Variants in STXBP5L observed in about 807,000 individuals in gnomAD.
STXBP5L encodes the protein syntaxin-binding protein 5-like.
Under a neutral mutation model 144.5 loss-of-function variants are expected in STXBP5L, and 65 were observed. That is an observed-to-expected ratio of 0.45 (90% CI 0.37 to 0.55). The LOEUF (loss-of-function observed/expected upper bound fraction) is 0.55, where lower values mean the gene tolerates loss of function less well. Among genes scored for constraint, STXBP5L ranks in the 20% least tolerant of loss-of-function variants. The probability of loss-of-function intolerance (pLI) is 0.00; values close to 1 mark genes in which losing one functional copy is unlikely to be tolerated. For missense variants in STXBP5L, 1,298 were observed against 1,405.5 expected, an observed-to-expected ratio of 0.92 and a Z score of 1.22; for synonymous variants, 505 against 469.6, an observed-to-expected ratio of 1.08 and a Z score of -0.97.
rs149609839 is a variant in STXBP5L at position 121,265,115 on chromosome 3, C to T, written c.1958+5947C>T. On this transcript the variant is annotated intron_variant, in intron 18 of 26. Coordinates refer to ENST00000471454, the MANE Select transcript of STXBP5L (RefSeq NM_001308330.2). ...TCTGGACTTGAACTCAGCTCTGGAACAAGTGGACCTAATAAACATCTACAG... is the reference window on the plus strand; with the variant it reads ...TCTGGACTTGAACTCAGCTCTGGAATAAGTGGACCTAATAAACATCTACAG... Among the ~76,000 whole-genome samples, 8 of 152,280 alleles carry T rather than the reference C, an allele frequency of 5.3e-5. No individual in the cohort carries two copies. The East Asian group carries it at 1.5e-3, about 29-fold the overall frequency.
At chr3:121,185,697 A>G (rs1032567841) in intron 9 of STXBP5L, among the ~76,000 whole-genome samples, 2 of 152,164 alleles carry the variant, frequency 1.3e-5, no homozygotes, top group Non-Finnish European at 2.9e-5. Flanking sequence ...TTTGGTTACT[A>G]TAGCCTTGTA....
At chr3:121,355,492 G>T (rs1035812683) in intron 20 of STXBP5L, among the ~76,000 whole-genome samples, 42 of 152,024 alleles carry the variant, frequency 2.8e-4, no homozygotes, top group African/African-American at 9.7e-4. Flanking sequence ...ATTGAATCTT[G>T]TGCATGCATC....
chr3:121,158,844 G>T (rs2108009488), intron 9 of STXBP5L: 1 of 151,926 alleles, frequency 6.6e-6, no homozygotes, highest in African/African-American at 2.4e-5. Context: ...AGTTCTTTTG[G>T]CTAGACTGGA....
intron 3 of STXBP5L, among the ~76,000 whole-genome samples, chr3:120,978,546 G>A (rs538312625): frequency 7.2e-5 from 11 of 152,280 alleles, no homozygotes; most frequent in Non-Finnish European, 1.2e-4. Context: ...CTCTCAACTC[G>A]TCAAAGTCAT....
chr3:120,992,520 T>A (rs1168100568), intron 3 of STXBP5L, among the ~76,000 whole-genome samples: 2 of 152,138 alleles, frequency 1.3e-5, no homozygotes, highest in East Asian at 1.9e-4. Flanking sequence ...CAATTTTTTT[T>A]ATCTACTACA....
In STXBP5L at chr3:120,973,106, T is replaced by C. The variant is rs183709764; in HGVS notation, c.287+18069T>C. On this transcript the variant is annotated intron_variant, in intron 3 of 26. Transcript: ENST00000471454. ...TTTCCTAGAATGAGTTATGTAGGAT[T>C]CCCTTCTCGATATTTTGGCATAACT... 9.9e-5 allele frequency among the ~76,000 whole-genome samples: 15 copies of C among 152,238 alleles called. No homozygotes were observed. The East Asian group carries it at 2.9e-3, about 29-fold the overall frequency.
chr3:120,984,544 G>A (rs1438195424), intron 3 of STXBP5L, among the ~76,000 whole-genome samples: 1 of 148,734 alleles, frequency 6.7e-6, no homozygotes, highest in Non-Finnish European at 1.5e-5. Context: ...AATCTTTAGG[G>A]TTTTACATAT....
intron 7 of STXBP5L, among the ~76,000 whole-genome samples, chr3:121,131,328 C>G (rs1168662007): frequency 1.3e-5 from 2 of 151,996 alleles, no homozygotes; most frequent in Non-Finnish European, 2.9e-5. Flanking sequence ...AACAGTGATA[C>G]CAATGGAGAC....
intron 9 of STXBP5L, among the ~76,000 whole-genome samples, chr3:121,172,288 G>A (rs778153083): frequency 9.2e-5 from 14 of 152,086 alleles, no homozygotes; most frequent in Non-Finnish European, 1.5e-4. Flanking sequence ...AAAACTTCAC[G>A]ACTAAGACAC....
At chr3:121,383,983 G>A (rs1434778650) in intron 22 of STXBP5L, among the ~76,000 whole-genome samples, 1 of 152,116 alleles carries the variant, frequency 6.6e-6, no homozygotes, top group Non-Finnish European at 1.5e-5. Context: ...CTCTGACCTT[G>A]AATGCATCTT....
In STXBP5L at chr3:120,971,638, T is replaced by TACACACAC. The variant is rs10576644; in HGVS notation, c.287+16619_287+16626dup. Among the ~76,000 whole-genome samples, 353 of 146,384 alleles carry TACACACAC rather than the reference T, an allele frequency of 2.4e-3. 2 individuals carry two copies. The highest frequency in any genetic ancestry group is 8.3e-3 in the African/African-American group (333 of 40,318). Reference sequence around the variant, plus strand: ...TAGTATTCCATGGCACATGCATACATACACACACACACACACACACACACA... The same window carrying TACACACAC: ...TAGTATTCCATGGCACATGCATACATACACACACACACACACACACACACACACACACA... On this transcript the variant is annotated intron_variant, in intron 3 of 26. Coordinates refer to ENST00000471454, the MANE Select transcript of STXBP5L (RefSeq NM_001308330.2).
intron 20 of STXBP5L, among the ~76,000 whole-genome samples, chr3:121,342,748 G>C (rs571366426): frequency 6.8e-4 from 101 of 147,954 alleles, no homozygotes; most frequent in African/African-American, 2.5e-3. Flanking sequence ...GTCTATCATT[G>C]TTGGACATTT....
chr3:121,018,373 A>G (rs762078792), intron 3 of STXBP5L, among the ~76,000 whole-genome samples: 58 of 152,272 alleles, frequency 3.8e-4, no homozygotes, highest in Middle Eastern at 6.8e-3. Flanking sequence ...AAGAATAAAT[A>G]AATAGATCAA....
At position 121,151,047 on chromosome 3, in the gene STXBP5L, A is replaced by G. The variant is rs375335633; in HGVS notation, c.670-1430A>G. The stretch of plus-strand genomic sequence containing the variant: ...GGTTGCAGTGAGCAGAGATTGTGCC[A>G]CTGCACTCCACCCTGGGTGGCAGAG... On this transcript the variant is annotated intron_variant, in intron 7 of 26. Transcript: ENST00000471454. 4.3e-4 allele frequency among the ~76,000 whole-genome samples: 65 copies of G among 152,192 alleles called. No homozygotes were observed. The East Asian group carries it at 5.4e-3, about 13-fold the overall frequency.
chr3:120,974,939 A>G (rs1035592579), intron 3 of STXBP5L, among the ~76,000 whole-genome samples: 1 of 152,078 alleles, frequency 6.6e-6, no homozygotes, highest in African/African-American at 2.4e-5. Context: ...TGTTTTGGTT[A>G]CTTTAGCCTT....
At chr3:121,316,999 C>T (rs1247951996) in intron 19 of STXBP5L, among the ~76,000 whole-genome samples, 2 of 152,198 alleles carry the variant, frequency 1.3e-5, no homozygotes, top group African/African-American at 4.8e-5. Context: ...CTTATAGCAA[C>T]TCTGTGGATT....
rs548640190 is a variant in STXBP5L at position 121,278,756 on chromosome 3, T to C, written c.1959-1049T>C. On this transcript the variant is annotated intron_variant, in intron 18 of 26. Coordinates refer to ENST00000471454, the MANE Select transcript of STXBP5L (RefSeq NM_001308330.2). ...AAGGCCAAGCAAGATTCATTAATTT[T>C]TCTCAAAGTCACATATCCTGTAAGT... Among the ~76,000 whole-genome samples the C allele has an allele frequency of 1.7e-4, 26 of 152,036 alleles. 1 individual carries two copies. The South Asian group carries it at 5.4e-3, about 31-fold the overall frequency.
chr3:121,152,793 CT>C (rs1173538727), intron 8 of STXBP5L, among the ~76,000 whole-genome samples: 2 of 152,046 alleles, frequency 1.3e-5, no homozygotes, highest in Non-Finnish European at 2.9e-5. Context: ...ATCTTATATA[CT>C]TTGCATTTGT....
chr3:121,353,162 G>A (rs2045366059), intron 20 of STXBP5L, among the ~76,000 whole-genome samples: 1 of 152,070 alleles, frequency 6.6e-6, no homozygotes, highest in South Asian at 2.1e-4. Flanking sequence ...TTGTGTCTCT[G>A]CCAGGCTTTG....
Sources: allele counts gnomAD v4.1 joint callset (sites outside exome capture counted in the v4.1 genomes callset), GRCh38; gene constraint gnomAD v4.1.1; transcripts MANE v1.5; gene names NCBI Gene and HGNC (gene_info 2026-07-23, HGNC 2026-07-21).